CSMD1: variants seen among roughly 807,000 people sequenced by gnomAD.
CSMD1 encodes CUB and sushi domain-containing protein 1.
In CSMD1, 213 loss-of-function variants were observed where a neutral mutation model predicts 417.5. That is an observed-to-expected ratio of 0.51 (90% CI 0.46 to 0.57). The LOEUF (loss-of-function observed/expected upper bound fraction) is 0.57, where lower values mean the gene tolerates loss of function less well. CSMD1 is among the 20% of genes least tolerant of loss of function. The pLI is 0.00. For synonymous variants in CSMD1, 2,862 were observed against 1,736.8 expected, an observed-to-expected ratio of 1.65 and a Z score of -16.11; for missense variants, 6,923 against 4,529.7, an observed-to-expected ratio of 1.53 and a Z score of -15.17.
chr8:4,452,052 G>A (rs992729493), intron 2 of CSMD1, among the ~76,000 whole-genome samples: 5 of 151,920 alleles, frequency 3.3e-5, no homozygotes, highest in Non-Finnish European at 7.4e-5. Context: ...GGTGGAAGAG[G>A]AAGATTAGGG....
At chr8:4,206,367 C>G (rs1298264572) in intron 3 of CSMD1, among the ~76,000 whole-genome samples, 3 of 152,072 alleles carry the variant, frequency 2.0e-5, no homozygotes, top group Non-Finnish European at 4.4e-5. Flanking sequence ...ACCACAGGCC[C>G]CGGTATGTCA....
At chr8:4,787,845 A>G in intron 1 of CSMD1, 5 of 1,570,596 alleles carry the variant, frequency 3.2e-6, no homozygotes, top group Non-Finnish European at 4.4e-6. Flanking sequence ...TGCTGGAGAA[A>G]TCCTGGTTGC....
intron 12 of CSMD1, among the ~76,000 whole-genome samples, chr8:3,443,070 C>G (rs557090019): frequency 5.9e-5 from 9 of 152,218 alleles, no homozygotes; most frequent in African/African-American, 1.7e-4. Context: ...GACTAATTAT[C>G]AAATCAAGGC....
intron 6 of CSMD1, among the ~76,000 whole-genome samples, chr8:3,731,076 C>T (rs1563319646): frequency 6.6e-6 from 1 of 152,176 alleles, no homozygotes; most frequent in Non-Finnish European, 1.5e-5. Flanking sequence ...CGTCCTTATA[C>T]ACTTTCTTCC....
At chr8:4,787,431 C>G (rs1257874865) in intron 1 of CSMD1, 1 of 755,698 alleles carries the variant, frequency 1.3e-6, no homozygotes, top group African/African-American at 1.7e-5. Context: ...GACAAGATTA[C>G]AGCAGGAAAT....
chr8:3,187,678 C>T (rs1435880190), intron 36 of CSMD1, among the ~76,000 whole-genome samples, 191 bp downstream of exon 36: 1 of 152,134 alleles, frequency 6.6e-6, no homozygotes, highest in African/African-American at 2.4e-5. Flanking sequence ...TCGTGGAGAA[C>T]ACAGCTTTGT....
At chr8:3,118,288 C>T (rs926688419) in intron 42 of CSMD1, 111 bp downstream of exon 42, 94 of 775,042 alleles carry the variant, frequency 1.2e-4, no homozygotes, top group South Asian at 6.6e-4. Context: ...AGATTCTCAA[C>T]GAATATTTAT....
At chr8:3,183,976 G>A (rs1821594320) in intron 36 of CSMD1, among the ~76,000 whole-genome samples, 1 of 152,104 alleles carries the variant, frequency 6.6e-6, no homozygotes, top group South Asian at 2.1e-4. Flanking sequence ...TCAGCAGTCA[G>A]AAAACACTTT....
chr8:4,212,898 G>A (rs954786836), intron 3 of CSMD1, among the ~76,000 whole-genome samples: 12 of 151,906 alleles, frequency 7.9e-5, no homozygotes, highest in Non-Finnish European at 2.9e-5. Flanking sequence ...TAGAGGCTGA[G>A]CTGGAAAGAA....
At chr8:3,089,424 G>C (rs894453096) in intron 48 of CSMD1, among the ~76,000 whole-genome samples, 5 of 152,194 alleles carry the variant, frequency 3.3e-5, no homozygotes, top group African/African-American at 9.6e-5. Flanking sequence ...ACCACTGTTC[G>C]CAGGCATTTC....
At chr8:4,940,211 C>T (rs1048203794) in intron 1 of CSMD1, among the ~76,000 whole-genome samples, 1 of 152,036 alleles carries the variant, frequency 6.6e-6, no homozygotes. Context: ...TCCTGGCCAC[C>T]CTAGTCAAAG....
chr8:3,048,422 A>G (rs1811599476), intron 50 of CSMD1, among the ~76,000 whole-genome samples: 1 of 152,204 alleles, frequency 6.6e-6, no homozygotes, highest in African/African-American at 2.4e-5. Flanking sequence ...GAGCCCAGAA[A>G]TAAACCCACA....
intron 8 of CSMD1, among the ~76,000 whole-genome samples, chr8:3,614,556 T>G (rs902871115): frequency 1.3e-5 from 2 of 152,340 alleles, no homozygotes; most frequent in African/African-American, 2.4e-5. Context: ...TTTTAAAGCT[T>G]AAGCATTTCC....
chr8:4,532,853 G>GCACC (rs1796902653), intron 2 of CSMD1, among the ~76,000 whole-genome samples: 1 of 145,044 alleles, frequency 6.9e-6, no homozygotes, highest in Non-Finnish European at 1.5e-5. Context: ...AAGAAATGTT[G>GCACC]CACCCCCATT....
chr8:3,240,922 GGC>G (rs1249931113), intron 26 of CSMD1, among the ~76,000 whole-genome samples: 21 of 152,102 alleles, frequency 1.4e-4, no homozygotes, highest in South Asian at 1.0e-3. Context: ...AGTGATAACA[GGC>G]TTTAATCCTT....
At chr8:3,201,562 T>C in intron 32 of CSMD1, 50 bp downstream of exon 32, 2 of 908,818 alleles carry the variant, frequency 2.2e-6, no homozygotes, top group Non-Finnish European at 3.3e-6. Flanking sequence ...TAAAAATTAA[T>C]CCCCCTAGCT....
intron 5 of CSMD1, among the ~76,000 whole-genome samples, chr8:3,933,569 A>T (rs533626651): frequency 7.5e-4 from 114 of 152,302 alleles, no homozygotes; most frequent in African/African-American, 2.7e-3. Flanking sequence ...AACAGGATAC[A>T]TTGAGAAAAT....
intron 2 of CSMD1, among the ~76,000 whole-genome samples, chr8:4,595,002 T>G (rs1259498081): frequency 2.0e-5 from 3 of 152,220 alleles, no homozygotes; most frequent in Non-Finnish European, 4.4e-5. Flanking sequence ...TAATAAATTT[T>G]GGGATCTGGA....
intron 2 of CSMD1, among the ~76,000 whole-genome samples, chr8:4,623,079 T>A (rs1801873560): frequency 6.6e-6 from 1 of 152,130 alleles, no homozygotes; most frequent in Non-Finnish European, 1.5e-5. Context: ...TGGAAGGAAT[T>A]ACCTATAATA....
Sources: gnomAD v4.1 joint callset for allele counts (sites outside exome capture counted in the v4.1 genomes callset) on GRCh38, gnomAD v4.1.1 for gene constraint, MANE v1.5 for transcripts, NCBI Gene and HGNC (gene_info 2026-07-23, HGNC 2026-07-21) for gene names.